XPO5: variants seen among roughly 807,000 people sequenced by gnomAD.
The protein encoded by XPO5 is exportin 5.
A neutral mutation model predicts 160.6 loss-of-function variants in XPO5; 46 were observed. That is an observed-to-expected ratio of 0.29 (90% confidence interval 0.23 to 0.37). XPO5 has a LOEUF of 0.37. XPO5 is among the 10% of genes least tolerant of loss of function. The probability of loss-of-function intolerance (pLI) is 1.00; values close to 1 mark genes in which losing one functional copy is unlikely to be tolerated. For synonymous variants in XPO5, 537 were observed against 519.3 expected (o/e 1.03, Z -0.46); for missense variants, 1,090 against 1,463.9 (o/e 0.74, Z 4.17).
intron 18 of XPO5, 84 bp from the exon 19 acceptor site, chr6:43,547,791 T>A (rs1051409126): frequency 3.3e-6 from 4 of 1,225,434 alleles, no homozygotes; most frequent in Non-Finnish European, 4.7e-6. Flanking sequence ...AGGCTATCAT[T>A]ATTTGGCCCT....
At chr6:43,558,394 A>C in intron 12 of XPO5, 107 bp downstream of exon 12, 1 of 966,606 alleles carries the variant, frequency 1.0e-6, no homozygotes, top group Non-Finnish European at 1.5e-6. Flanking sequence ...GCTGCTATCC[A>C]GATTTGGGGA....
chr6:43,553,503 G>A lies in XPO5; in HGVS notation c.1442C>T (p.Ser481Phe). The A allele has an allele frequency of 1.9e-6, 3 of 1,551,320 alleles. 1 individual carries two copies. The highest frequency in any genetic ancestry group is 2.6e-6 in the Non-Finnish European group (3 of 1,147,912). Reference sequence around the variant, plus strand: ...TTCTCCAGTTCCAACTGCAGAACAAGCTTTAAAACACACACACACACATAC... The same window carrying A: ...TTCTCCAGTTCCAACTGCAGAACAAACTTTAAAACACACACACACACATAC... ...STFLDAGSVN[S>F]CSAVGTGEGS... The change falls in exon 14 of 32, where the codon TCT becomes TTT. Residue 481 changes from serine (S) to phenylalanine (F), a missense_variant and splice_region_variant. Ser to Phe is a radical substitution (Grantham distance 155, BLOSUM62 -2). Around this residue, in one of 3 missense-constraint regions of XPO5, gnomAD observed 810 missense variants for 1,139.0 expected, o/e 0.71. Coordinates refer to ENST00000265351, the MANE Select transcript of XPO5 (RefSeq NM_020750.3).
chr6:43,560,049 G>T, intron 11 of XPO5, 129 bp downstream of exon 11: 1 of 1,187,444 alleles, frequency 8.4e-7, no homozygotes, highest in Non-Finnish European at 1.1e-6. Context: ...CAACTCCTGG[G>T]CTCAAGCGAT....
At chr6:43,570,732 T>C in intron 4 of XPO5, 48 bp from the exon 5 acceptor site, 1 of 1,541,784 alleles carries the variant, frequency 6.5e-7, no homozygotes, top group African/African-American at 1.4e-5. Context: ...ATCTTTTCAT[T>C]TTATGTATAT....
chr6:43,529,291 C>T (rs1361858942), intron 23 of XPO5: 1 of 1,272,884 alleles, frequency 7.9e-7, no homozygotes, highest in African/African-American at 1.5e-5. Context: ...ACCTGTAATC[C>T]CAGCACTTTG....
At chr6:43,528,106 C>T in intron 25 of XPO5, 53 bp downstream of exon 25, 1 of 1,550,290 alleles carries the variant, frequency 6.5e-7, no homozygotes, top group Non-Finnish European at 8.8e-7. Context: ...TTTTCCCACC[C>T]CAAACCTGGC....
chr6:43,544,334 T>C (rs538659957), intron 20 of XPO5: 1 of 153,114 alleles, frequency 6.5e-6, no homozygotes, highest in African/African-American at 2.4e-5. Flanking sequence ...AGGAAAAAAC[T>C]GGAGAAAGAC....
chr6:43,527,271 C>T (rs1247143228), intron 26 of XPO5: 1 of 212,056 alleles, frequency 4.7e-6, no homozygotes, highest in African/African-American at 2.3e-5. Flanking sequence ...AGTGTTGCTA[C>T]AAACATGAAC....
intron 20 of XPO5, among the ~76,000 whole-genome samples, chr6:43,545,693 G>GT (rs1250769457): frequency 6.6e-6 from 1 of 150,896 alleles, no homozygotes; most frequent in Non-Finnish European, 1.5e-5. Context: ...GGGTGACAAA[G>GT]TGAGACTCTG....
At chr6:43,524,416 C>T in intron 31 of XPO5, 55 bp downstream of exon 31, 1 of 1,580,334 alleles carries the variant, frequency 6.3e-7, no homozygotes, top group Non-Finnish European at 8.6e-7. Context: ...ATGGTTTGCC[C>T]ATACACATGA....
chr6:43,540,744 C>T (rs1345805406), intron 20 of XPO5, among the ~76,000 whole-genome samples: 2 of 152,206 alleles, frequency 1.3e-5, no homozygotes, highest in Non-Finnish European at 2.9e-5. Flanking sequence ...TCCCAAAGTG[C>T]TGAGATTACA....
At chr6:43,529,296 A>C in intron 23 of XPO5, 1 of 1,191,420 alleles carries the variant, frequency 8.4e-7, no homozygotes, top group Non-Finnish European at 1.1e-6. Flanking sequence ...TAATCCCAGC[A>C]CTTTGGGAGG....
Position 43,524,608 on chromosome 6 carries a change from C to T in XPO5, c.3340G>A (p.Val1114Ile), listed in dbSNP as rs755957700. 1.9e-6 allele frequency: 3 copies of T among 1,613,882 alleles called. No homozygotes were observed. Among genetic ancestry groups the T allele is most frequent in the Non-Finnish European group, 2.5e-6 (3 of 1,179,892 alleles). ...TGTATTTCAGGGATTTGCTCCATTA[C>T]AGCTCTTATCTCCAGGTACCTGGGG... ...LRPRYLEIRA[V>I]MEQIPEIQKD... The change falls in exon 31 of 32, where the codon GTA becomes ATA. Residue 1114 changes from valine (V) to isoleucine (I), a missense_variant. Physicochemically the swap from Val to Ile is conservative, Grantham distance 29. This residue lies in a region of XPO5 where 810 missense variants were observed against 1,139.0 expected (regional missense o/e 0.71). Coordinates refer to ENST00000265351, the MANE Select transcript of XPO5 (RefSeq NM_020750.3).
intron 28 of XPO5, 127 bp downstream of exon 28, chr6:43,525,712 G>A (rs1214774419): frequency 2.0e-6 from 2 of 1,013,716 alleles, no homozygotes; most frequent in Non-Finnish European, 2.8e-6. Flanking sequence ...GGGGCCTTTG[G>A]AACCAGGAAC....
intron 28 of XPO5, 56 bp from the exon 29 acceptor site, chr6:43,525,270 T>C: frequency 6.6e-7 from 1 of 1,505,218 alleles, no homozygotes. Flanking sequence ...TTTTCTCTGA[T>C]GATTATTACA....
At chr6:43,556,901 G>A (rs1762119481) in intron 12 of XPO5, among the ~76,000 whole-genome samples, 1 of 152,192 alleles carries the variant, frequency 6.6e-6, no homozygotes, top group African/African-American at 2.4e-5. Context: ...GCCAAGGCAG[G>A]TGAATCAGCT....
At chr6:43,560,391 C>T (rs1762356086) in intron 10 of XPO5, 88 bp from the exon 11 acceptor site, 1 of 1,434,430 alleles carries the variant, frequency 7.0e-7, no homozygotes, top group African/African-American at 1.4e-5. Context: ...TACATTTTTT[C>T]ATAGAAATAA....
intron 29 of XPO5, 28 bp downstream of exon 29, chr6:43,525,079 G>A (rs1366689118): frequency 8.9e-6 from 14 of 1,570,068 alleles, no homozygotes; most frequent in South Asian, 1.2e-5. Flanking sequence ...TTCCATGAGG[G>A]GCAGGGAAAA....
intron 5 of XPO5, among the ~76,000 whole-genome samples, chr6:43,569,300 A>C (rs538831545): frequency 3.3e-5 from 5 of 151,656 alleles, no homozygotes; most frequent in African/African-American, 7.3e-5. Flanking sequence ...CTCAAAAAAA[A>C]AAAAACAACA....
Sources: allele counts gnomAD v4.1 joint callset (sites outside exome capture counted in the v4.1 genomes callset), GRCh38; gene constraint gnomAD v4.1.1; regional missense constraint gnomAD v4.1.1; transcripts MANE v1.5; gene names NCBI Gene and HGNC (gene_info 2026-07-23, HGNC 2026-07-21).